UTRN: variants seen among roughly 807,000 people sequenced by gnomAD.
The protein encoded by UTRN is dystrophin-related protein 1.
In UTRN, 283 loss-of-function variants were observed where a neutral mutation model predicts 463.9. The ratio of observed to expected loss-of-function variants is 0.61; its 90% confidence interval spans 0.55 to 0.67. UTRN has a LOEUF of 0.67. Among genes scored for constraint, UTRN ranks in the 30% least tolerant of loss-of-function variants. The pLI, the probability that UTRN is intolerant of heterozygous loss-of-function variation, is 0.00. For missense variants in UTRN, 3,922 were observed against 4,084.3 expected, an observed-to-expected ratio of 0.96 and a Z score of 1.08; for synonymous variants, 1,442 against 1,431.5, an observed-to-expected ratio of 1.01 and a Z score of -0.17.
Position 144,318,525 on chromosome 6 carries a change from G to A in UTRN, c.79+26618G>A, listed in dbSNP as rs571359618. ...ATCGCCCAGGCTGGAGTGCAGTGGCGTGATCTTGGCTTACTGGAACCTCTG... is the reference window on the plus strand; with the variant it reads ...ATCGCCCAGGCTGGAGTGCAGTGGCATGATCTTGGCTTACTGGAACCTCTG... On this transcript the variant is annotated intron_variant, in intron 2 of 74. Transcript: ENST00000367545. Among the ~76,000 whole-genome samples, 6 of 152,218 alleles carry A rather than the reference G, an allele frequency of 3.9e-5. No individual in the cohort carries two copies. In the East Asian group the frequency reaches 1.2e-3, roughly 29 times the overall value.
chr6:144,310,063 A>T (rs547974487), intron 2 of UTRN, among the ~76,000 whole-genome samples: 4 of 152,256 alleles, frequency 2.6e-5, no homozygotes, highest in African/African-American at 4.8e-5. Flanking sequence ...GATTATGCTG[A>T]TTGTCTTTTT....
intron 51 of UTRN, among the ~76,000 whole-genome samples, chr6:144,648,730 T>A (rs1408434014): frequency 6.6e-6 from 1 of 152,176 alleles, no homozygotes; most frequent in Non-Finnish European, 1.5e-5. Context: ...CAGTTTGAAT[T>A]TGGAGACTAT....
At position 144,418,244 on chromosome 6, in the gene UTRN, C is replaced by T. The variant is rs188733092; in HGVS notation, c.142-3634C>T. On this transcript the variant is annotated intron_variant, in intron 3 of 74. Transcript: ENST00000367545. ...TTTTTTTTTTTTTGAGATGGAGTCT[C>T]GCTCTGTCACCCAGGCTGGAGTGCA... Among the ~76,000 whole-genome samples the T allele has an allele frequency of 5.6e-3, 793 of 142,512 alleles. 3 individuals are homozygous for T. Among genetic ancestry groups the T allele is most frequent in the Non-Finnish European group, 9.6e-3 (637 of 66,492 alleles). The allele number at this position is 142,512 out of a possible 152,430, so 93.5% of individuals were successfully genotyped here. A position where few individuals can be genotyped will look rare whatever the true frequency, so the allele number is the denominator to read the frequency against.
chr6:144,717,117 G>A (rs753373958), intron 53 of UTRN, among the ~76,000 whole-genome samples: 19 of 152,178 alleles, frequency 1.2e-4, no homozygotes, highest in Non-Finnish European at 2.4e-4. Context: ...CCAGCAATGT[G>A]TGAAAGTGAA....
chr6:144,543,898 A>G (rs1798189320), intron 46 of UTRN, among the ~76,000 whole-genome samples: 1 of 152,152 alleles, frequency 6.6e-6, no homozygotes, highest in Non-Finnish European at 1.5e-5. Context: ...TTGCACAAAA[A>G]GTACCTGGGG....
chr6:144,699,543 C>T (rs79682307), intron 52 of UTRN, among the ~76,000 whole-genome samples: 1 of 111,546 alleles, frequency 9.0e-6, no homozygotes, highest in Non-Finnish European at 1.6e-5. Flanking sequence ...CCTTAAATGG[C>T]GTAAAAATAG....
intron 45 of UTRN, among the ~76,000 whole-genome samples, chr6:144,542,580 C>T (rs1209946846): frequency 6.6e-6 from 1 of 152,064 alleles, no homozygotes; most frequent in East Asian, 1.9e-4. Context: ...GGGGTCAGGA[C>T]AGCTAAGGAC....
intron 52 of UTRN, among the ~76,000 whole-genome samples, chr6:144,679,918 C>G (rs769160583): frequency 6.6e-6 from 1 of 152,042 alleles, no homozygotes; most frequent in Non-Finnish European, 1.5e-5. Flanking sequence ...TTGGGAAATA[C>G]AATAGGTCAG....
At chr6:144,646,654 G>C (rs1030279652) in intron 51 of UTRN, among the ~76,000 whole-genome samples, 2 of 151,936 alleles carry the variant, frequency 1.3e-5, no homozygotes, top group African/African-American at 2.4e-5. Context: ...GTTTTCCTAA[G>C]TCAAGAAAAC....
intron 2 of UTRN, among the ~76,000 whole-genome samples, chr6:144,388,721 C>T (rs1385364316): frequency 6.6e-6 from 1 of 152,118 alleles, no homozygotes; most frequent in Non-Finnish European, 1.5e-5. Context: ...GCCATGTTGC[C>T]CAGGCTGGTG....
At chr6:144,360,839 T>C (rs1779020050) in intron 2 of UTRN, among the ~76,000 whole-genome samples, 1 of 152,212 alleles carries the variant, frequency 6.6e-6, no homozygotes, top group Non-Finnish European at 1.5e-5. Context: ...CTTTCCTTCT[T>C]TGTCTCCTTT....
At chr6:144,804,718 C>T (rs1777993354) in intron 65 of UTRN, among the ~76,000 whole-genome samples, 1 of 152,018 alleles carries the variant, frequency 6.6e-6, no homozygotes, top group African/African-American at 2.4e-5. Context: ...AGACAGGGGT[C>T]CTATCCTTCC....
rs189272283 is a variant in UTRN, at chr6:144,462,597, T to C, written c.2854-57T>C. 1.9e-4 allele frequency: 277 copies of C among 1,476,786 alleles called. 1 individual carries two copies. Among genetic ancestry groups the C allele is most frequent in the Non-Finnish European group, 1.5e-5 (17 of 1,100,890 alleles). The allele number at this position is 1,476,786 out of a possible 1,614,324, so 91.5% of individuals were successfully genotyped here. A position where few individuals can be genotyped will look rare whatever the true frequency, so the allele number is the denominator to read the frequency against. On this transcript the variant is annotated intron_variant, in intron 22 of 74. Coordinates refer to ENST00000367545, the MANE Select transcript of UTRN (RefSeq NM_007124.3). ...TTTGACTTTATATAGCCCATTTTAC[T>C]ATATCTGTGCAGACACATTTTTGTG...
chr6:144,658,549 C>CG (rs1022163836), intron 51 of UTRN, among the ~76,000 whole-genome samples: 2 of 152,168 alleles, frequency 1.3e-5, no homozygotes, highest in Non-Finnish European at 2.9e-5. Flanking sequence ...GTTCCCCCCC[C>CG]CACTTTGGTC....
intron 51 of UTRN, among the ~76,000 whole-genome samples, chr6:144,610,317 A>G (rs966922618): frequency 1.3e-5 from 2 of 152,110 alleles, no homozygotes; most frequent in African/African-American, 4.8e-5. Flanking sequence ...ATTGAATAAC[A>G]TAGAAGAAAT....
At chr6:144,747,271 A>T (rs1396282828) in intron 54 of UTRN, among the ~76,000 whole-genome samples, 1 of 152,186 alleles carries the variant, frequency 6.6e-6, no homozygotes, top group Non-Finnish European at 1.5e-5. Context: ...CTGCCTCTTT[A>T]TTTGCAGTGG....
intron 50 of UTRN, among the ~76,000 whole-genome samples, chr6:144,571,059 G>A (rs999667125): frequency 7.9e-5 from 12 of 152,070 alleles, no homozygotes; most frequent in African/African-American, 2.7e-4. Flanking sequence ...GGGAAATGAA[G>A]GTGTTTGACC....
At chr6:144,672,848 C>G (rs1000764087) in intron 51 of UTRN, among the ~76,000 whole-genome samples, 1 of 152,074 alleles carries the variant, frequency 6.6e-6, no homozygotes. Flanking sequence ...TGCTATATCC[C>G]AGAGGTTTTG....
At chr6:144,292,159 T>C (rs1804303590) in intron 2 of UTRN, among the ~76,000 whole-genome samples, 1 of 152,222 alleles carries the variant, frequency 6.6e-6, no homozygotes, top group African/African-American at 2.4e-5. Flanking sequence ...GGTTGTTCAT[T>C]TGGAAGACTA....
Sources: gnomAD v4.1 joint callset for allele counts (sites outside exome capture counted in the v4.1 genomes callset) on GRCh38, gnomAD v4.1.1 for gene constraint, MANE v1.5 for transcripts, NCBI Gene and HGNC (gene_info 2026-07-23, HGNC 2026-07-21) for gene names.